Variants in COL5A1 observed in about 807,000 individuals in gnomAD.
COL5A1 encodes collagen alpha-1(V) chain.
A neutral mutation model predicts 263.7 loss-of-function variants in COL5A1; 16 were observed. The ratio of observed to expected loss-of-function variants is 0.06; its 90% confidence interval spans 0.04 to 0.09. The LOEUF is 0.09. COL5A1 is among the 10% of genes least tolerant of loss of function. The pLI is 1.00. For missense variants in COL5A1, 2,036 were observed against 2,540.5 expected, an observed-to-expected ratio of 0.80 and a Z score of 4.27; for synonymous variants, 1,012 against 1,004.5, an observed-to-expected ratio of 1.01 and a Z score of -0.14.
rs1462221629 is a variant in COL5A1, at chr9:134,814,875, C to T, written c.3985C>T (p.Pro1329Ser). ...AAGPPGPKGPPGDDGPKGSPG... is the reference protein window; with the variant it reads ...AAGPPGPKGPSGDDGPKGSPG... ...CGGACCCCCTGGACCCAAAGGCCCT[C>T]CCGGAGATGATGGTCCCAAAGGCAG... is the stretch of plus-strand genomic sequence containing the variant. The change falls in exon 50 of 66, where the codon CCC becomes TCC. Residue 1329 changes from proline (P) to serine (S), a missense_variant. Pro to Ser is a moderately conservative substitution (Grantham distance 74, BLOSUM62 -1). This residue lies in a region of COL5A1 where 1,078 missense variants were observed against 1,521.4 expected (regional missense o/e 0.71). Coordinates refer to ENST00000371817, the MANE Select transcript of COL5A1 (RefSeq NM_000093.5). 6.4e-7 allele frequency: 1 copy of T among 1,551,180 alleles called. No individual in the cohort carries two copies. The highest frequency in any genetic ancestry group is 1.4e-5 in the African/African-American group (1 of 73,168).
intron 20 of COL5A1, among the ~76,000 whole-genome samples, chr9:134,764,050 G>T (rs1185550708): frequency 6.9e-6 from 1 of 145,762 alleles, no homozygotes; most frequent in Non-Finnish European, 1.5e-5. Context: ...CAGTATGTGG[G>T]GTCCATGGGC....
chr9:134,738,615 C>G (rs1277055464), intron 10 of COL5A1, 100 bp downstream of exon 10: 37 of 1,566,646 alleles, frequency 2.4e-5, no homozygotes, highest in Non-Finnish European at 3.0e-5. Context: ...GAGGGGGGCT[C>G]TCCGCTTTTG....
chr9:134,826,458 T>C (rs965590943), intron 63 of COL5A1, among the ~76,000 whole-genome samples: 1 of 152,360 alleles, frequency 6.6e-6, no homozygotes, highest in East Asian at 1.9e-4. Context: ...CCCACCTCTG[T>C]GGCCTTTCGG....
intron 37 of COL5A1, 73 bp downstream of exon 37, chr9:134,798,534 C>A (rs1838000180): frequency 7.0e-7 from 1 of 1,434,302 alleles, no homozygotes; most frequent in Non-Finnish European, 9.8e-7. Flanking sequence ...ACAGCCCTCG[C>A]TGCCCAGCGC....
chr9:134,698,325 G>T (rs1192561012), intron 2 of COL5A1, among the ~76,000 whole-genome samples: 1 of 152,248 alleles, frequency 6.6e-6, no homozygotes, highest in African/African-American at 2.4e-5. Context: ...CAGGGTGCCC[G>T]GCCACAGCTG....
chr9:134,815,434 C>T (rs1347138698), intron 50 of COL5A1, 142 bp from the exon 51 acceptor site: 1 of 839,900 alleles, frequency 1.2e-6, no homozygotes, highest in South Asian at 1.4e-5. Flanking sequence ...CCATAAAGTG[C>T]ACTGGGTTGT....
At position 134,818,853 on chromosome 9, in the gene COL5A1, A is replaced by G. The variant is rs1298451808; in HGVS notation, c.4344A>G (p.Glu1448=). 1 of 1,613,126 alleles carries G rather than the reference A, an allele frequency of 6.2e-7. No individual in the cohort carries two copies. The highest frequency in any genetic ancestry group is 8.5e-7 in the Non-Finnish European group (1 of 1,179,842). Residue 1448 remains glutamate (E), a synonymous_variant, in exon 56 of 66, where the codon GAA becomes GAG. Transcript: ENST00000371817. The surrounding 1 kb of genome is among the most constrained non-coding windows in gnomAD (Gnocchi z 6.0). ...AGAGCGTCTCTGTGTTTCAGGGAGA[A>G]CAAGGTCTCCCAGGATCCCCAGGCC... ...GLRGIPGPVG[E]QGLPGSPGPD...
chr9:134,721,267 A>G (rs1318027435), intron 4 of COL5A1, among the ~76,000 whole-genome samples: 1 of 84,664 alleles, frequency 1.2e-5, no homozygotes, highest in Non-Finnish European at 2.3e-5. Context: ...TGTCCCCCCC[A>G]TGGGACCCCC....
rs78846229 is a variant in COL5A1, at chr9:134,825,951, G to A, written c.5067+47G>A. 2,973 of 1,280,806 alleles carry A rather than the reference G, an allele frequency of 2.3e-3. 50 individuals carry two copies. In the African/African-American group the frequency reaches 0.038, roughly 16 times the overall value. 79.3% of individuals were successfully genotyped at this position (1,280,806 alleles called of 1,614,324 possible). A position where few individuals can be genotyped will look rare whatever the true frequency, so the allele number is the denominator to read the frequency against. On this transcript the variant is annotated intron_variant, in intron 63 of 65. Transcript: ENST00000371817. Reference sequence around the variant, plus strand: ...TGGCCCCAGCGGGGCAGGCGTCACAGACAGGGCCATGCCGAGGGCTTCAAG... The same window carrying A: ...TGGCCCCAGCGGGGCAGGCGTCACAAACAGGGCCATGCCGAGGGCTTCAAG...
chr9:134,762,510 C>T (rs1315787985), intron 19 of COL5A1, among the ~76,000 whole-genome samples: 1 of 152,102 alleles, frequency 6.6e-6, no homozygotes, highest in Non-Finnish European at 1.5e-5. Context: ...ACGCACAGGC[C>T]GGGGTCTGGT....
At chr9:134,654,564 T>G (rs922756697) in intron 1 of COL5A1, among the ~76,000 whole-genome samples, 272 of 22,910 alleles carry the variant, frequency 0.012, no homozygotes, top group Middle Eastern at 0.062. Context: ...TAGGGCTGGG[T>G]GTGTGTAGGG....
chr9:134,750,075 G>A (rs1371862069), intron 11 of COL5A1, among the ~76,000 whole-genome samples: 1 of 152,192 alleles, frequency 6.6e-6, no homozygotes, highest in Admixed American at 6.5e-5. Flanking sequence ...ATCTGAGCAG[G>A]CACAGGCGGC....
In COL5A1 at chr9:134,680,319, G is replaced by A. The variant is rs1016991695; in HGVS notation, c.110-10593G>A. On this transcript the variant is annotated intron_variant, in intron 1 of 65. Coordinates refer to ENST00000371817, the MANE Select transcript of COL5A1 (RefSeq NM_000093.5). The surrounding 1 kb of genome is among the most constrained non-coding windows in gnomAD (Gnocchi z 5.9). ...CGGGTCGGTGCACAGGTGTCTGGAT[G>A]TGGACTTAGCTCAGTCCTGAAGGCT... Among the ~76,000 whole-genome samples, 2 of 152,208 alleles carry A rather than the reference G, an allele frequency of 1.3e-5. No homozygotes were observed. Among genetic ancestry groups the A allele is most frequent in the African/African-American group, 4.8e-5 (2 of 41,450 alleles).
rs375377423 is a variant in COL5A1 at position 134,802,847 on chromosome 9, T to A, written c.3007-41T>A. On this transcript the variant is annotated intron_variant, in intron 38 of 65. Transcript: ENST00000371817. ...GAAGAGATTCTCACTCCCTTGCAAG[T>A]CACTCGAAACGTCTGTGGCTGACAC... is the stretch of plus-strand genomic sequence containing the variant. 21 of 1,439,826 alleles carry A rather than the reference T, an allele frequency of 1.5e-5. No homozygotes were observed. In the African/African-American group the frequency reaches 1.9e-4, roughly 13 times the overall value. 89.2% of individuals were successfully genotyped at this position (1,439,826 alleles called of 1,614,324 possible).
At chr9:134,819,133 TC>T in intron 57 of COL5A1, 80 bp downstream of exon 57, 1 of 1,417,192 alleles carries the variant, frequency 7.1e-7, no homozygotes, top group Non-Finnish European at 1.0e-6. Flanking sequence ...CTCAACAAGC[TC>T]TTGATCCGTC....
Position 134,750,631 on chromosome 9 carries a change from C to G in COL5A1, c.1569+15C>G, listed in dbSNP as rs62574081. On this transcript the variant is annotated intron_variant, in intron 12 of 65. Transcript: ENST00000371817. ...TCATGCTGCCCGTGAGTACCCTTAT[C>G]AGTCGGAGGTGGGGAGGCAGCTGGG... The G allele has an allele frequency of 3.7e-6, 6 of 1,612,720 alleles. No individual in the cohort carries two copies. Among genetic ancestry groups the G allele is most frequent in the African/African-American group, 1.3e-5 (1 of 74,912 alleles).
rs540538810 is a variant in COL5A1 at position 134,758,761 on chromosome 9, C to G, written c.1935+465C>G. ...CAGGTCACGAAAACATGCCAGGTGT[C>G]CCCCTGTTCCCTGTTAATGGGCGTG... On this transcript the variant is annotated intron_variant, in intron 18 of 65. Coordinates refer to ENST00000371817, the MANE Select transcript of COL5A1 (RefSeq NM_000093.5). This position sits in a 1 kb window ranked among gnomAD's most constrained non-coding sequence, Gnocchi z 4.1. Among the ~76,000 whole-genome samples the G allele has an allele frequency of 1.6e-4, 25 of 152,254 alleles. No individual in the cohort carries two copies. Among genetic ancestry groups the G allele is most frequent in the African/African-American group, 6.0e-4 (25 of 41,528 alleles).
intron 9 of COL5A1, among the ~76,000 whole-genome samples, chr9:134,733,306 C>T (rs575199534): frequency 1.3e-5 from 2 of 152,306 alleles, no homozygotes; most frequent in East Asian, 1.9e-4. Flanking sequence ...CTTTGAAGCC[C>T]GTGGCCAGGG....
At chr9:134,721,563 C>A (rs183927770) in intron 4 of COL5A1, among the ~76,000 whole-genome samples, 2 of 152,154 alleles carry the variant, frequency 1.3e-5, no homozygotes, top group African/African-American at 2.4e-5. Flanking sequence ...CCAGGGGTGG[C>A]CCAGGGCAGA....
Sources: allele counts gnomAD v4.1 joint callset (sites outside exome capture counted in the v4.1 genomes callset), GRCh38; gene constraint gnomAD v4.1.1; regional missense constraint gnomAD v4.1.1; non-coding constraint Gnocchi (gnomAD v3.1); transcripts MANE v1.5; gene names NCBI Gene and HGNC (gene_info 2026-07-23, HGNC 2026-07-21).